SLC4A4: variants seen among roughly 807,000 people sequenced by gnomAD.
SLC4A4 encodes electrogenic sodium bicarbonate cotransporter 1.
Under a neutral mutation model 111.5 loss-of-function variants are expected in SLC4A4, and 27 were observed. The ratio of observed to expected loss-of-function variants is 0.24; its 90% CI spans 0.18 to 0.33. The LOEUF (loss-of-function observed/expected upper bound fraction) is 0.33. Among genes scored for constraint, SLC4A4 ranks in the 10% least tolerant of loss-of-function variants. The pLI is 1.00. For synonymous variants in SLC4A4, 443 were observed against 463.4 expected, an observed-to-expected ratio of 0.96 and a Z score of 0.57; for missense variants, 909 against 1,315.5, an observed-to-expected ratio of 0.69 and a Z score of 4.78.
intron 1 of SLC4A4, among the ~76,000 whole-genome samples, chr4:71,215,794 G>A (rs1578609531): frequency 1.3e-5 from 2 of 151,968 alleles, no homozygotes; most frequent in African/African-American, 2.4e-5. Context: ...CTCAACAAAC[G>A]ATACATATAA....
At chr4:71,089,314 G>GT (rs1176228089) in intron 1 of SLC4A4, among the ~76,000 whole-genome samples, 3 of 151,860 alleles carry the variant, frequency 2.0e-5, no homozygotes, top group South Asian at 2.1e-4. Flanking sequence ...TTTTTTCAAG[G>GT]TTTTTAACTT....
Position 71,365,622 on chromosome 4 carries a change from A to T in SLC4A4, c.730+8435A>T, listed in dbSNP as rs1434604963. ...TGTATCCATAGAAATACAAAGGACA[A>T]AAAGGAGATCTTTCTAGGTTTGTGA... On this transcript the variant is annotated intron_variant, in intron 6 of 25. Transcript: ENST00000264485. 2.6e-5 allele frequency among the ~76,000 whole-genome samples: 4 copies of T among 152,314 alleles called. 1 individual carries two copies. Among genetic ancestry groups the T allele is most frequent in the Admixed American group, 2.6e-4 (4 of 15,286 alleles).
chr4:71,263,713 AGTT>A (rs1369339976), intron 3 of SLC4A4, among the ~76,000 whole-genome samples: 1 of 152,222 alleles, frequency 6.6e-6, no homozygotes, highest in Non-Finnish European at 1.5e-5. Flanking sequence ...TTTATGCTGT[AGTT>A]CTACAATTTG....
intron 8 of SLC4A4, among the ~76,000 whole-genome samples, chr4:71,443,785 T>C (rs1724986812): frequency 6.6e-6 from 1 of 152,190 alleles, no homozygotes; most frequent in Non-Finnish European, 1.5e-5. Flanking sequence ...TAAGATAATA[T>C]ATATATGTTA....
Position 71,420,890 on chromosome 4 carries a change from T to A in SLC4A4, c.808-19726T>A, listed in dbSNP as rs1722395477. Among the ~76,000 whole-genome samples, 4 of 150,110 alleles carry A rather than the reference T, an allele frequency of 2.7e-5. No individual in the cohort carries two copies. The South Asian group carries it at 9.1e-4, about 34-fold the overall frequency. On this transcript the variant is annotated intron_variant, in intron 7 of 25. Coordinates refer to ENST00000264485, the MANE Select transcript of SLC4A4 (RefSeq NM_001098484.3). ...CAGCCGCTGCAAAATCATGCCAAAA[T>A]GTAAAGACCATTGAGACTAGGAAGA...
chr4:71,534,564 T>C (rs974284604), intron 18 of SLC4A4, among the ~76,000 whole-genome samples, 176 bp downstream of exon 18: 1 of 150,956 alleles, frequency 6.6e-6, no homozygotes, highest in African/African-American at 2.5e-5. Context: ...TATAACACTT[T>C]AGGGAGAGCT....
intron 4 of SLC4A4, among the ~76,000 whole-genome samples, chr4:71,343,241 G>T (rs184241020): frequency 9.9e-4 from 150 of 152,230 alleles, no homozygotes; most frequent in Non-Finnish European, 1.8e-3. Flanking sequence ...CCAAATCAGG[G>T]TTCTGTATAA....
At chr4:71,223,149 T>A (rs1410472584) in intron 1 of SLC4A4, among the ~76,000 whole-genome samples, 1 of 152,116 alleles carries the variant, frequency 6.6e-6, no homozygotes, top group East Asian at 1.9e-4. Context: ...CTAGAGTTTT[T>A]ATTTTTGTTT....
intron 6 of SLC4A4, among the ~76,000 whole-genome samples, chr4:71,359,867 T>C (rs1389707386): frequency 6.6e-6 from 1 of 152,190 alleles, no homozygotes; most frequent in Non-Finnish European, 1.5e-5. Flanking sequence ...CAAAATAGAT[T>C]CAGTGACACT....
At chr4:71,227,142 G>A (rs1719101255) in intron 1 of SLC4A4, among the ~76,000 whole-genome samples, 1 of 152,132 alleles carries the variant, frequency 6.6e-6, no homozygotes, top group Non-Finnish European at 1.5e-5. Context: ...GGAAGGGTAT[G>A]TCTGATAATG....
At chr4:71,501,067 C>G (rs1441418239) in intron 16 of SLC4A4, among the ~76,000 whole-genome samples, 8 of 152,130 alleles carry the variant, frequency 5.3e-5, no homozygotes, top group Non-Finnish European at 8.8e-5. Context: ...TTTAATAATA[C>G]CAATTCTTCA....
intron 1 of SLC4A4, among the ~76,000 whole-genome samples, chr4:71,232,557 G>A (rs1314571524): frequency 6.6e-6 from 1 of 152,046 alleles, no homozygotes; most frequent in African/African-American, 2.4e-5. Flanking sequence ...GACAACAGGT[G>A]CACACCACTG....
chr4:71,549,757 T>C (rs2149239855), intron 20 of SLC4A4, among the ~76,000 whole-genome samples: 1 of 151,942 alleles, frequency 6.6e-6, no homozygotes, highest in East Asian at 2.0e-4. Flanking sequence ...ATTACTATTT[T>C]TAGGAGAGAT....
intron 2 of SLC4A4, among the ~76,000 whole-genome samples, chr4:71,096,794 T>G (rs187250634): frequency 7.2e-5 from 11 of 152,188 alleles, no homozygotes; most frequent in Middle Eastern, 3.2e-3. Flanking sequence ...AGGACTGAAA[T>G]GAGTCCACTG....
chr4:71,445,264 G>A (rs1182416779), intron 8 of SLC4A4, among the ~76,000 whole-genome samples: 1 of 152,048 alleles, frequency 6.6e-6, no homozygotes, highest in Non-Finnish European at 1.5e-5. Flanking sequence ...ATCAGCTATT[G>A]GAATACCCAC....
At chr4:71,178,786 C>T (rs1418790342) in intron 2 of SLC4A4, among the ~76,000 whole-genome samples, 1 of 152,172 alleles carries the variant, frequency 6.6e-6, no homozygotes, top group Non-Finnish European at 1.5e-5. Flanking sequence ...CAAGGAGGAG[C>T]TGGTACCATT....
At chr4:71,379,422 C>T (rs772525679) in intron 6 of SLC4A4, among the ~76,000 whole-genome samples, 3 of 152,094 alleles carry the variant, frequency 2.0e-5, no homozygotes, top group Non-Finnish European at 4.4e-5. Context: ...GTTCCAATTG[C>T]CCCCTCTTGA....
chr4:71,227,132 G>T (rs746374811), intron 1 of SLC4A4, among the ~76,000 whole-genome samples: 1 of 152,068 alleles, frequency 6.6e-6, no homozygotes, highest in Non-Finnish European at 1.5e-5. Flanking sequence ...CTCTGCTCAG[G>T]GAAGGGTATG....
At chr4:71,369,404 G>A (rs970014452) in intron 6 of SLC4A4, among the ~76,000 whole-genome samples, 1 of 152,146 alleles carries the variant, frequency 6.6e-6, no homozygotes, top group African/African-American at 2.4e-5. Context: ...AGACTAAGGG[G>A]TGGGGCTGGC....
Sources: allele counts gnomAD v4.1 joint callset (sites outside exome capture counted in the v4.1 genomes callset), GRCh38; gene constraint gnomAD v4.1.1; transcripts MANE v1.5; gene names NCBI Gene and HGNC (gene_info 2026-07-23, HGNC 2026-07-21).